LAMA2: variants seen among roughly 807,000 people sequenced by gnomAD.
LAMA2 encodes laminin subunit alpha 2, also known as laminin subunit alpha-2.
A neutral mutation model predicts 364.8 loss-of-function variants in LAMA2; 269 were observed. The ratio of observed to expected loss-of-function variants is 0.74; its 90% CI spans 0.67 to 0.82. The LOEUF (loss-of-function observed/expected upper bound fraction) is 0.82. Among genes scored for constraint, LAMA2 ranks in the 40% least tolerant of loss-of-function variants. LAMA2 has a pLI of 0.00. For synonymous variants in LAMA2, 1,379 were observed against 1,370.6 expected (o/e 1.01, Z -0.14); for missense variants, 3,807 against 3,873.2 (o/e 0.98, Z 0.45).
chr6:129,211,476 T>A (rs914642969), intron 12 of LAMA2, among the ~76,000 whole-genome samples: 22 of 152,344 alleles, frequency 1.4e-4, no homozygotes, highest in African/African-American at 5.3e-4. Context: ...CTTAGTCCTC[T>A]GCTTAAAATT....
intron 1 of LAMA2, among the ~76,000 whole-genome samples, chr6:128,920,230 T>C (rs980504259): frequency 4.0e-5 from 6 of 151,806 alleles, no homozygotes; most frequent in African/African-American, 7.3e-5. Flanking sequence ...CGATCTCAGC[T>C]CACTGCAACC....
chr6:129,402,462 A>G lies in LAMA2; in HGVS notation c.5701A>G (p.Asn1901Asp). 6.2e-7 allele frequency: 1 copy of G among 1,614,140 alleles called. No individual in the cohort carries two copies. Among genetic ancestry groups the G allele is most frequent in the South Asian group, 1.1e-5 (1 of 91,074 alleles). ...SQAESHAAQLNDSSAVLDGIL... is the reference protein window; with the variant it reads ...SQAESHAAQLDDSSAVLDGIL... ...GGCTGAGAGCCACGCAGCTCAGTTGAATGACTCATCTGCTGTCCTTGATGG... is the reference window on the plus strand; with the variant it reads ...GGCTGAGAGCCACGCAGCTCAGTTGGATGACTCATCTGCTGTCCTTGATGG... Residue 1901 changes from asparagine (N) to aspartate (D), a missense_variant, in exon 39 of 65, where the codon AAT becomes GAT. Transcript: ENST00000421865.
intron 1 of LAMA2, among the ~76,000 whole-genome samples, chr6:128,909,212 A>T (rs2114447077): frequency 6.6e-6 from 1 of 152,154 alleles, no homozygotes; most frequent in East Asian, 1.9e-4. Flanking sequence ...TGTCTCGTTG[A>T]TCTGTCTAGT....
At chr6:129,166,750 A>G (rs1166692484) in intron 9 of LAMA2, among the ~76,000 whole-genome samples, 1 of 152,202 alleles carries the variant, frequency 6.6e-6, no homozygotes, top group East Asian at 1.9e-4. Context: ...GTGGTAATTC[A>G]GGAGAGATAC....
intron 1 of LAMA2, among the ~76,000 whole-genome samples, chr6:128,991,306 C>T (rs1047178465): frequency 5.3e-5 from 8 of 152,052 alleles, no homozygotes; most frequent in African/African-American, 1.4e-4. Flanking sequence ...AGTCCTTTTT[C>T]CTTATACTGT....
intron 1 of LAMA2, chr6:128,929,498 C>A (rs2114510351): frequency 1.2e-6 from 1 of 848,026 alleles, no homozygotes; most frequent in Non-Finnish European, 2.1e-6. Context: ...TTATGGTATG[C>A]CGACCAGATC....
intron 40 of LAMA2, among the ~76,000 whole-genome samples, chr6:129,408,165 G>A (rs377577345): frequency 3.9e-5 from 6 of 152,166 alleles, no homozygotes; most frequent in South Asian, 4.2e-4. Flanking sequence ...TGCCACTTCC[G>A]CTTCCACCCC....
intron 12 of LAMA2, among the ~76,000 whole-genome samples, chr6:129,200,902 C>G (rs79257175): frequency 0.021 from 3,171 of 152,222 alleles, 95 homozygotes; most frequent in East Asian, 0.14. Flanking sequence ...CATCCTTACT[C>G]CACATTATAC....
intron 24 of LAMA2, among the ~76,000 whole-genome samples, 188 bp from the exon 25 acceptor site, chr6:129,315,288 A>C (rs376197057): frequency 6.6e-6 from 1 of 152,210 alleles, no homozygotes; most frequent in Non-Finnish European, 1.5e-5. Flanking sequence ...TGTGGCTTTC[A>C]CTATGTGAAT....
At chr6:129,309,760 T>C (rs1774092914) in intron 22 of LAMA2, among the ~76,000 whole-genome samples, 1 of 152,226 alleles carries the variant, frequency 6.6e-6, no homozygotes, top group South Asian at 2.1e-4. Context: ...ATTTATAATA[T>C]ACAAATAATC....
chr6:129,303,139 G>A (rs1001873423), intron 22 of LAMA2, among the ~76,000 whole-genome samples: 7 of 152,064 alleles, frequency 4.6e-5, no homozygotes, highest in African/African-American at 1.7e-4. Context: ...TCTCAGAAAT[G>A]TTTGTAGTTT....
chr6:128,900,130 A>G (rs1776996553), intron 1 of LAMA2, among the ~76,000 whole-genome samples: 1 of 152,204 alleles, frequency 6.6e-6, no homozygotes, highest in African/African-American at 2.4e-5. Context: ...TTGGATGTGT[A>G]TGGTCTCTTG....
At chr6:129,146,868 C>A in intron 5 of LAMA2, 91 bp from the exon 6 acceptor site, 1 of 844,116 alleles carries the variant, frequency 1.2e-6, no homozygotes, top group Non-Finnish European at 2.1e-6. Flanking sequence ...AGGATAAAAG[C>A]AGAAAATAAA....
chr6:129,481,451 C>G lies in LAMA2; in HGVS notation c.7749+12C>G. 6.2e-7 allele frequency: 1 copy of G among 1,607,356 alleles called. No homozygotes were observed. Reference sequence around the variant, plus strand: ...GGCAGACTGGACAGGTACCCTCACACCTAGCTGATAATGCATTTTCCCTAA... The same window carrying G: ...GGCAGACTGGACAGGTACCCTCACAGCTAGCTGATAATGCATTTTCCCTAA... On this transcript the variant is annotated intron_variant, in intron 55 of 64. Transcript: ENST00000421865.
chr6:129,238,456 C>T (rs1174718949), intron 12 of LAMA2, among the ~76,000 whole-genome samples: 1 of 151,998 alleles, frequency 6.6e-6, no homozygotes, highest in Admixed American at 6.6e-5. Flanking sequence ...TTCCCAAAAT[C>T]ACACAGCAAA....
intron 3 of LAMA2, among the ~76,000 whole-genome samples, chr6:129,071,251 G>A (rs1773288068): frequency 6.6e-6 from 1 of 152,128 alleles, no homozygotes; most frequent in Admixed American, 6.5e-5. Flanking sequence ...ACAATGATCT[G>A]TAGTGATGCC....
intron 33 of LAMA2, among the ~76,000 whole-genome samples, chr6:129,369,423 G>A (rs1777947242): frequency 6.6e-6 from 1 of 152,160 alleles, no homozygotes; most frequent in Non-Finnish European, 1.5e-5. Flanking sequence ...TTAGCGCCTA[G>A]CCAGGTCTCT....
chr6:128,896,400 C>T (rs1189717872), intron 1 of LAMA2, among the ~76,000 whole-genome samples: 1 of 151,248 alleles, frequency 6.6e-6, no homozygotes, highest in Admixed American at 6.6e-5. Context: ...ATGTCCTCAC[C>T]CTCCTTCCAT....
chr6:129,391,050 C>T (rs1395808243), intron 35 of LAMA2, among the ~76,000 whole-genome samples: 1 of 152,120 alleles, frequency 6.6e-6, no homozygotes, highest in Admixed American at 6.6e-5. Context: ...GGTTCATTTT[C>T]AGAGATCTCA....
Sources: gnomAD v4.1 joint callset for allele counts (sites outside exome capture counted in the v4.1 genomes callset) on GRCh38, gnomAD v4.1.1 for gene constraint, MANE v1.5 for transcripts, NCBI Gene and HGNC (gene_info 2026-07-23, HGNC 2026-07-21) for gene names.